The following TBC1D22A variants were observed in gnomAD, a reference collection of about 807,000 sequenced individuals.
TBC1D22A encodes the protein putative GTPase activator.
In TBC1D22A, 38 loss-of-function variants were observed where a neutral mutation model predicts 60.2. The ratio of observed to expected loss-of-function variants is 0.63; its 90% CI spans 0.49 to 0.83. The LOEUF is 0.83. Ranked by LOEUF, TBC1D22A falls within the 40% of genes least tolerant of loss-of-function variation. TBC1D22A has a pLI of 0.00. For synonymous variants in TBC1D22A, 302 were observed against 281.7 expected (o/e 1.07, Z -0.72); for missense variants, 628 against 701.0 (o/e 0.90, Z 1.18).
In TBC1D22A at chr22:46,872,622, A is replaced by T. The variant is rs75247774; in HGVS notation, c.638-6031A>T. ...TTATAAGGACTCAATTTGCAATTGA[A>T]TGCAGTTGCCAAGCAGCAGCATAAG... On this transcript the variant is annotated intron_variant, in intron 4 of 12. Transcript: ENST00000337137. Among the ~76,000 whole-genome samples, 1,378 of 152,336 alleles carry T rather than the reference A, an allele frequency of 9.0e-3. 17 individuals are homozygous for T. The highest frequency in any genetic ancestry group is 0.031 in the African/African-American group (1,294 of 41,578).
intron 8 of TBC1D22A, among the ~76,000 whole-genome samples, chr22:46,944,634 GTA>G (rs1569254250): frequency 6.6e-6 from 1 of 152,218 alleles, no homozygotes; most frequent in Non-Finnish European, 1.5e-5. Flanking sequence ...TCATGACCTT[GTA>G]ATCTGCCCAC....
intron 11 of TBC1D22A, among the ~76,000 whole-genome samples, chr22:47,067,241 G>A (rs183403074): frequency 3.9e-5 from 6 of 152,320 alleles, no homozygotes; most frequent in African/African-American, 1.2e-4. Flanking sequence ...ACTCCAGCCT[G>A]GGCAACAGAG....
chr22:47,146,725 G>A (rs570146942), intron 12 of TBC1D22A, among the ~76,000 whole-genome samples: 89 of 152,312 alleles, frequency 5.8e-4, no homozygotes, highest in South Asian at 4.1e-3. Flanking sequence ...TGGGGCGGTG[G>A]GAAGGCTTTG....
chr22:46,997,718 G>C lies in TBC1D22A; in HGVS notation c.1201+9G>C. 1 of 1,613,754 alleles carries C rather than the reference G, an allele frequency of 6.2e-7. No homozygotes were observed. The highest frequency in any genetic ancestry group is 8.5e-7 in the Non-Finnish European group (1 of 1,179,918). On this transcript the variant is annotated intron_variant, in intron 10 of 12. Transcript: ENST00000337137. Reference sequence around the variant, plus strand: ...CGTGAGCCGGATTGATGGTAAGCCAGCTTCCCGCGCAGCCCCTCTCTGTGG... The same window carrying C: ...CGTGAGCCGGATTGATGGTAAGCCACCTTCCCGCGCAGCCCCTCTCTGTGG...
At chr22:46,784,829 G>T (rs528590538) in intron 1 of TBC1D22A, among the ~76,000 whole-genome samples, 4 of 152,314 alleles carry the variant, frequency 2.6e-5, no homozygotes, top group Non-Finnish European at 5.9e-5. Flanking sequence ...AGATTTCTGT[G>T]ATATACGGTT....
intron 12 of TBC1D22A, among the ~76,000 whole-genome samples, chr22:47,130,406 C>T (rs1275346056): frequency 6.6e-6 from 1 of 152,188 alleles, no homozygotes; most frequent in Non-Finnish European, 1.5e-5. Context: ...CCCCTCAGCA[C>T]TTCTCTGTGT....
chr22:46,854,697 G>A (rs1022299524), intron 4 of TBC1D22A, among the ~76,000 whole-genome samples: 2 of 152,120 alleles, frequency 1.3e-5, no homozygotes, highest in African/African-American at 4.8e-5. Flanking sequence ...TTCCCCCTGC[G>A]ATGCATTCCA....
At chr22:46,852,975 T>C (rs1432392372) in intron 4 of TBC1D22A, among the ~76,000 whole-genome samples, 1 of 152,188 alleles carries the variant, frequency 6.6e-6, no homozygotes, top group African/African-American at 2.4e-5. Context: ...TGGACGACAG[T>C]CCATTGCCTG....
At chr22:46,904,125 AT>A (rs2069230429) in intron 7 of TBC1D22A, among the ~76,000 whole-genome samples, 2 of 89,266 alleles carry the variant, frequency 2.2e-5, no homozygotes, top group Non-Finnish European at 4.3e-5. Context: ...CTATCTATCT[AT>A]CTATCTATCT....
At chr22:47,025,714 A>G (rs2062231064) in intron 10 of TBC1D22A, among the ~76,000 whole-genome samples, 1 of 152,198 alleles carries the variant, frequency 6.6e-6, no homozygotes, top group South Asian at 2.1e-4. Flanking sequence ...AGGGAAACAT[A>G]TAGTACTGAG....
chr22:46,839,393 G>C (rs1309278875), intron 4 of TBC1D22A, among the ~76,000 whole-genome samples: 1 of 151,784 alleles, frequency 6.6e-6, no homozygotes, highest in Non-Finnish European at 1.5e-5. Flanking sequence ...CTGCAACCTG[G>C]AGGTGAAGGA....
intron 1 of TBC1D22A, among the ~76,000 whole-genome samples, chr22:46,769,073 G>T (rs1035184968): frequency 1.6e-5 from 2 of 123,594 alleles, no homozygotes; most frequent in Non-Finnish European, 3.2e-5. Context: ...TAGCCTGGGC[G>T]ACAGGGCAAG....
At chr22:47,142,834 A>C (rs1601654124) in intron 12 of TBC1D22A, among the ~76,000 whole-genome samples, 2 of 63,556 alleles carry the variant, frequency 3.1e-5, no homozygotes, top group African/African-American at 6.4e-5. Context: ...CTACCCTCCC[A>C]TCCACCCATC....
intron 12 of TBC1D22A, among the ~76,000 whole-genome samples, chr22:47,164,805 C>T (rs182617444): frequency 1.7e-4 from 26 of 152,338 alleles, no homozygotes; most frequent in Non-Finnish European, 3.5e-4. Flanking sequence ...CCATTCCTTC[C>T]TCTGCACATG....
intron 7 of TBC1D22A, among the ~76,000 whole-genome samples, chr22:46,905,170 A>T (rs559171089): frequency 5.3e-5 from 8 of 152,366 alleles, no homozygotes; most frequent in Non-Finnish European, 1.2e-4. Context: ...AGGAGTTTTT[A>T]AAATGATACT....
intron 12 of TBC1D22A, among the ~76,000 whole-genome samples, chr22:47,118,304 C>T (rs1283306070): frequency 1.3e-5 from 2 of 151,956 alleles, no homozygotes; most frequent in African/African-American, 4.8e-5. Context: ...AATAAAAAAA[C>T]AGCAATGACA....
chr22:47,045,117 T>C (rs1441305794), intron 11 of TBC1D22A, among the ~76,000 whole-genome samples: 1 of 152,160 alleles, frequency 6.6e-6, no homozygotes, highest in Non-Finnish European at 1.5e-5. Flanking sequence ...GCAAGAAAAG[T>C]GATTTGTATA....
At chr22:47,152,894 C>T (rs1290869640) in intron 12 of TBC1D22A, among the ~76,000 whole-genome samples, 1 of 151,706 alleles carries the variant, frequency 6.6e-6, no homozygotes, top group African/African-American at 2.4e-5. Context: ...CCCCTGAGAG[C>T]GTTAGCTGTG....
intron 12 of TBC1D22A, among the ~76,000 whole-genome samples, chr22:47,127,180 G>A (rs1393854091): frequency 1.3e-5 from 2 of 151,230 alleles, no homozygotes; most frequent in Non-Finnish European, 2.9e-5. Context: ...CTTGCCCCAT[G>A]TGGAATTGGC....
Sources: gnomAD v4.1 joint callset for allele counts (sites outside exome capture counted in the v4.1 genomes callset) on GRCh38, gnomAD v4.1.1 for gene constraint, MANE v1.5 for transcripts, NCBI Gene and HGNC (gene_info 2026-07-23, HGNC 2026-07-21) for gene names.